The following NPEPPS variants were observed in gnomAD, a reference collection of about 807,000 sequenced individuals.
The protein encoded by NPEPPS is aminopeptidase puromycin sensitive, also known as puromycin-sensitive aminopeptidase.
In NPEPPS, 14 loss-of-function variants were observed where a neutral mutation model predicts 115.5. The observed-to-expected ratio is 0.12, with a 90% confidence interval of 0.08 to 0.19. NPEPPS has a LOEUF of 0.19. NPEPPS is among the 10% of genes least tolerant of loss of function. The probability of loss-of-function intolerance (pLI) is 1.00; values close to 1 mark genes in which losing one functional copy is unlikely to be tolerated. For synonymous variants in NPEPPS, 285 were observed against 390.6 expected, an observed-to-expected ratio of 0.73 and a Z score of 3.19; for missense variants, 523 against 1,110.8, an observed-to-expected ratio of 0.47 and a Z score of 7.52.
intron 1 of NPEPPS, among the ~76,000 whole-genome samples, chr17:47,541,073 G>A (rs1207998963): frequency 6.6e-6 from 1 of 152,146 alleles, no homozygotes; most frequent in African/African-American, 2.4e-5. Flanking sequence ...TGGATGTTGT[G>A]CATGGTGCCT....
intron 20 of NPEPPS, 150 bp downstream of exon 20, chr17:47,618,607 T>C: frequency 1.6e-6 from 1 of 612,656 alleles, no homozygotes; most frequent in African/African-American, 1.9e-5. Context: ...GTTACTGACT[T>C]CTGTTTTTCT....
At chr17:47,538,051 G>A (rs1399031276) in intron 1 of NPEPPS, among the ~76,000 whole-genome samples, 3 of 148,450 alleles carry the variant, frequency 2.0e-5, no homozygotes, top group Non-Finnish European at 3.0e-5. Context: ...GCACCACCAC[G>A]CCTGGCTAAT....
intron 2 of NPEPPS, among the ~76,000 whole-genome samples, chr17:47,548,899 T>G (rs1909431800): frequency 6.6e-6 from 1 of 152,140 alleles, no homozygotes; most frequent in African/African-American, 2.4e-5. Flanking sequence ...TGAATATGCG[T>G]AACCGAATGT....
chr17:47,551,360 T>C (rs1221073192), intron 2 of NPEPPS, among the ~76,000 whole-genome samples: 1 of 152,040 alleles, frequency 6.6e-6, no homozygotes, highest in Admixed American at 6.6e-5. Flanking sequence ...TCTTGGCTTA[T>C]ATATAATAAT....
At chr17:47,544,949 C>T (rs376035509) in intron 1 of NPEPPS, among the ~76,000 whole-genome samples, 1 of 149,394 alleles carries the variant, frequency 6.7e-6, no homozygotes, top group Non-Finnish European at 1.5e-5. Flanking sequence ...AAGTGATCCG[C>T]CTGCCTCGGC....
At chr17:47,570,866 T>G (rs117412035) in intron 3 of NPEPPS, among the ~76,000 whole-genome samples, 6,730 of 152,320 alleles carry the variant, frequency 0.044, 219 homozygotes, top group Middle Eastern at 0.16. Flanking sequence ...CCATGTAATT[T>G]TTTTGAAAAG....
At chr17:47,522,940 AT>A (rs201678252), upstream of NPEPPS, 586,344 of 1,426,552 alleles carry the variant, frequency 0.41, 124,555 homozygotes, top group Admixed American at 0.48. Context: ...TCCAACTGTC[AT>A]TTCAACAGCC....
At chr17:47,530,017 A>G (rs1349928792), upstream of NPEPPS, among the ~76,000 whole-genome samples, 5 of 144,926 alleles carry the variant, frequency 3.5e-5, no homozygotes, top group Non-Finnish European at 7.6e-5. Flanking sequence ...GCTCACTGCA[A>G]CCTCCACCTC....
intron 1 of NPEPPS, among the ~76,000 whole-genome samples, chr17:47,534,467 A>C (rs764707159): frequency 1.2e-4 from 19 of 152,198 alleles, no homozygotes; most frequent in Non-Finnish European, 2.5e-4. Context: ...AAAACATGCA[A>C]GTTGCTTAGT....
At chr17:47,537,610 T>C (rs1359655256) in intron 1 of NPEPPS, among the ~76,000 whole-genome samples, 4 of 151,918 alleles carry the variant, frequency 2.6e-5, no homozygotes, top group African/African-American at 9.7e-5. Flanking sequence ...GGAGAATTGC[T>C]TGAACTCGGG....
intron 1 of NPEPPS, 132 bp downstream of exon 1, chr17:47,531,687 G>T: frequency 9.1e-7 from 1 of 1,094,514 alleles, no homozygotes; most frequent in East Asian, 5.3e-5. Context: ...AGGGCGCCGG[G>T]TTCGGCGTGC....
chr17:47,596,545 TTTAAG>T, intron 13 of NPEPPS, 83 bp downstream of exon 13: 3 of 794,902 alleles, frequency 3.8e-6, no homozygotes, highest in Non-Finnish European at 5.7e-6. Flanking sequence ...TTTTCTGTAC[TTTAAG>T]TTTTCTAGTG....
At chr17:47,602,852 A>C (rs1913300144) in intron 15 of NPEPPS, among the ~76,000 whole-genome samples, 1 of 151,856 alleles carries the variant, frequency 6.6e-6, no homozygotes, top group Admixed American at 6.6e-5. Flanking sequence ...TCACTGGAAT[A>C]TTACCATTTG....
At chr17:47,567,822 ATG>A (rs1327847101) in intron 2 of NPEPPS, among the ~76,000 whole-genome samples, 1 of 151,962 alleles carries the variant, frequency 6.6e-6, no homozygotes, top group Non-Finnish European at 1.5e-5. Context: ...ACGTTGTAGC[ATG>A]TGTCAGCTAT....
chr17:47,535,041 G>A (rs1188169407), intron 1 of NPEPPS, among the ~76,000 whole-genome samples: 5 of 150,138 alleles, frequency 3.3e-5, no homozygotes, highest in Admixed American at 1.3e-4. Flanking sequence ...TCAGGAGATC[G>A]AGACCATCCT....
At chr17:47,558,466 G>T (rs1476695110) in intron 2 of NPEPPS, among the ~76,000 whole-genome samples, 1 of 151,964 alleles carries the variant, frequency 6.6e-6, no homozygotes, top group African/African-American at 2.4e-5. Flanking sequence ...GTCTCGCTCT[G>T]TCACCCATGC....
intron 3 of NPEPPS, among the ~76,000 whole-genome samples, chr17:47,571,977 A>G (rs1911225054): frequency 6.6e-6 from 1 of 152,128 alleles, no homozygotes; most frequent in Non-Finnish European, 1.5e-5. Flanking sequence ...ATATGCAGCC[A>G]TATCACCAAC....
chr17:47,585,652 T>C lies in NPEPPS; in HGVS notation c.801T>C (p.Arg267=), dbSNP rs758639184. 7.4e-6 allele frequency: 12 copies of C among 1,613,954 alleles called. No homozygotes were observed. The highest frequency in any genetic ancestry group is 2.5e-6 in the Non-Finnish European group (3 of 1,179,878). Residue 267 remains arginine (R), a synonymous_variant, in exon 6 of 23, where the codon CGT becomes CGC. Transcript: ENST00000322157. ...ETRSKDGVCV[R]VYTPVGKAEQ... ...GGTCAAAAGATGGTGTGTGTGTCCG[T>C]GTTTACACTCCTGTTGGCAAAGCAG...
Position 47,603,850 on chromosome 17 carries a change from A to C in NPEPPS, c.1741-65A>C. The C allele has an allele frequency of 2.7e-6, 4 of 1,458,024 alleles. No homozygotes were observed. In the South Asian group the frequency reaches 5.1e-5, roughly 18 times the overall value. The allele number at this position is 1,458,024 out of a possible 1,614,324, so 90.3% of individuals were successfully genotyped here. ...TCTAAAACCAGAACTCCTTTTAAAC[A>C]TACAAAAGGTTGATTTAAAAAATTA... On this transcript the variant is annotated intron_variant, in intron 15 of 22. Transcript: ENST00000322157.
Sources: allele counts gnomAD v4.1 joint callset (sites outside exome capture counted in the v4.1 genomes callset), GRCh38; gene constraint gnomAD v4.1.1; transcripts MANE v1.5; gene names NCBI Gene and HGNC (gene_info 2026-07-23, HGNC 2026-07-21).